Variants in NOVA1 observed in about 807,000 individuals in gnomAD.
NOVA1 encodes RNA-binding protein Nova-1.
In NOVA1, 7 loss-of-function variants were observed where a neutral mutation model predicts 38.0. The observed-to-expected ratio is 0.18, with a 90% CI of 0.10 to 0.35. The LOEUF is 0.35. Among genes scored for constraint, NOVA1 ranks in the 10% least tolerant of loss-of-function variants. NOVA1 has a pLI of 1.00. For missense variants in NOVA1, 460 were observed against 616.0 expected, an observed-to-expected ratio of 0.75 and a Z score of 2.68; for synonymous variants, 270 against 232.5, an observed-to-expected ratio of 1.16 and a Z score of -1.47.
intron 2 of NOVA1, among the ~76,000 whole-genome samples, chr14:26,573,576 T>A (rs1276339089): frequency 6.6e-6 from 1 of 152,130 alleles, no homozygotes; most frequent in Non-Finnish European, 1.5e-5. Flanking sequence ...GATAAATGAT[T>A]CCTAAAAAGA....
At chr14:26,529,841 T>G (rs1889574437) in intron 2 of NOVA1, among the ~76,000 whole-genome samples, 1 of 152,226 alleles carries the variant, frequency 6.6e-6, no homozygotes, top group Non-Finnish European at 1.5e-5. Flanking sequence ...TGTTGTCCTT[T>G]TCCTGTATGT....
At chr14:26,485,014 A>T (rs1426759019) in intron 2 of NOVA1, among the ~76,000 whole-genome samples, 2 of 152,194 alleles carry the variant, frequency 1.3e-5, no homozygotes, top group Non-Finnish European at 2.9e-5. Flanking sequence ...CAGACACTAT[A>T]CATAAGAGAA....
chr14:26,565,283 C>T (rs571568531), intron 2 of NOVA1, among the ~76,000 whole-genome samples: 48 of 152,090 alleles, frequency 3.2e-4, no homozygotes, highest in Non-Finnish European at 6.5e-4. Context: ...TCATCAGCCC[C>T]CAAAAGAGAC....
Position 26,469,025 on chromosome 14 carries a change from C to T in NOVA1, c.519+3295G>A, listed in dbSNP as rs188784393. On this transcript the variant is annotated intron_variant, in intron 4 of 4. Coordinates refer to ENST00000539517, the MANE Select transcript of NOVA1 (RefSeq NM_002515.3). The stretch of plus-strand genomic sequence containing the variant: ...TATTAATAACTTAGAACTGATTGAA[C>T]GCTACTGATTCTGTTTAAGTTTTAT... Among the ~76,000 whole-genome samples the T allele has an allele frequency of 2.5e-3, 385 of 152,216 alleles. 1 individual carries two copies. Among genetic ancestry groups the T allele is most frequent in the African/African-American group, 8.7e-3 (361 of 41,550 alleles).
chr14:26,572,097 T>C (rs1425900487), intron 2 of NOVA1, among the ~76,000 whole-genome samples: 1 of 152,180 alleles, frequency 6.6e-6, no homozygotes, highest in Non-Finnish European at 1.5e-5. Flanking sequence ...ATAATCAAAA[T>C]GAATGGGATG....
At chr14:26,489,001 T>C (rs1261393222) in intron 2 of NOVA1, among the ~76,000 whole-genome samples, 1 of 151,948 alleles carries the variant, frequency 6.6e-6, no homozygotes, top group African/African-American at 2.4e-5. Context: ...GTGTGACCAG[T>C]GGTGGAATGC....
chr14:26,559,667 C>A (rs577946922), intron 2 of NOVA1, among the ~76,000 whole-genome samples: 45 of 152,066 alleles, frequency 3.0e-4, no homozygotes, highest in Non-Finnish European at 5.4e-4. Context: ...TGTTCTCACT[C>A]ATATGTGAGA....
At chr14:26,476,592 T>G (rs1885003040) in intron 3 of NOVA1, among the ~76,000 whole-genome samples, 1 of 152,180 alleles carries the variant, frequency 6.6e-6, no homozygotes, top group Non-Finnish European at 1.5e-5. Flanking sequence ...TTTTTCTTTC[T>G]TCTACTCTAA....
At chr14:26,535,394 A>C (rs1176007020) in intron 2 of NOVA1, among the ~76,000 whole-genome samples, 2 of 152,206 alleles carry the variant, frequency 1.3e-5, no homozygotes, top group Admixed American at 1.3e-4. Flanking sequence ...TTTGTAGAGA[A>C]AAAGAAATGT....
chr14:26,502,892 A>G (rs1887345715), intron 2 of NOVA1, among the ~76,000 whole-genome samples: 1 of 152,062 alleles, frequency 6.6e-6, no homozygotes, highest in Non-Finnish European at 1.5e-5. Context: ...GATAAGATAA[A>G]TCTTTTATTT....
rs752973969 is a variant in NOVA1 at position 26,549,615 on chromosome 14, C to T, written c.280+45795G>A. The T allele has an allele frequency of 1.1e-4, 68 of 620,468 alleles. 1 individual carries two copies. Among genetic ancestry groups the T allele is most frequent in the South Asian group, 8.2e-4 (47 of 57,238 alleles). The allele number at this position is 620,468 out of a possible 1,614,324, so 38.4% of individuals were successfully genotyped here. On this transcript the variant is annotated intron_variant, in intron 2 of 4. Coordinates refer to ENST00000539517, the MANE Select transcript of NOVA1 (RefSeq NM_002515.3). ...CTCAATACACTTTTAGATGATGTTT[C>T]CCAGTTATTTGTTATTTTCTCTTAT...
intron 2 of NOVA1, among the ~76,000 whole-genome samples, chr14:26,535,522 A>G (rs1245198): frequency 0.58 from 88,401 of 152,124 alleles, 30,884 homozygotes; most frequent in Non-Finnish European, 0.75. Context: ...AAGGATTAAT[A>G]TAACAGTGGA....
At chr14:26,526,774 C>T (rs1328639969) in intron 2 of NOVA1, among the ~76,000 whole-genome samples, 1 of 152,118 alleles carries the variant, frequency 6.6e-6, no homozygotes, top group Non-Finnish European at 1.5e-5. Flanking sequence ...TACCTGCTAC[C>T]TTCAAGTGGT....
intron 2 of NOVA1, among the ~76,000 whole-genome samples, chr14:26,481,998 A>AAC (rs936044915): frequency 3.0e-5 from 1 of 33,702 alleles, no homozygotes; most frequent in Non-Finnish European, 2.0e-4. Flanking sequence ...TAAAAAAAAA[A>AAC]AAAAAAAAAA....
intron 4 of NOVA1, among the ~76,000 whole-genome samples, chr14:26,455,879 A>C (rs1187056297): frequency 6.6e-6 from 1 of 152,026 alleles, no homozygotes; most frequent in Non-Finnish European, 1.5e-5. Context: ...ATTGCAGGAA[A>C]GCCCATTATT....
At chr14:26,558,726 T>G (rs1800066794) in intron 2 of NOVA1, among the ~76,000 whole-genome samples, 1 of 152,168 alleles carries the variant, frequency 6.6e-6, no homozygotes, top group Admixed American at 6.5e-5. Flanking sequence ...TTTAGACAGG[T>G]CATTTTGCAA....
chr14:26,497,686 C>T (rs1886922018), intron 2 of NOVA1, among the ~76,000 whole-genome samples: 1 of 152,136 alleles, frequency 6.6e-6, no homozygotes, highest in African/African-American at 2.4e-5. Flanking sequence ...CTATCACATA[C>T]CCAAATCCAG....
chr14:26,485,609 G>T (rs1274078939), intron 2 of NOVA1, among the ~76,000 whole-genome samples: 1 of 151,992 alleles, frequency 6.6e-6, no homozygotes, highest in Non-Finnish European at 1.5e-5. Context: ...AGATACCTGA[G>T]ACATTATTCA....
At chr14:26,523,147 T>C (rs558492656) in intron 2 of NOVA1, among the ~76,000 whole-genome samples, 5 of 152,330 alleles carry the variant, frequency 3.3e-5, no homozygotes, top group African/African-American at 1.2e-4. Flanking sequence ...GGGAAATGAC[T>C]TTCCTTACTT....
Sources: allele counts gnomAD v4.1 joint callset (sites outside exome capture counted in the v4.1 genomes callset), GRCh38; gene constraint gnomAD v4.1.1; transcripts MANE v1.5; gene names NCBI Gene and HGNC (gene_info 2026-07-23, HGNC 2026-07-21).